The following KLHL1 variants were observed in gnomAD, a reference collection of about 807,000 sequenced individuals.
The protein encoded by KLHL1 is kelch like family member 1.
A neutral mutation model predicts 77.7 loss-of-function variants in KLHL1; 47 were observed. The observed-to-expected ratio is 0.60, with a 90% CI of 0.48 to 0.77. The LOEUF (loss-of-function observed/expected upper bound fraction) is 0.77, where lower values mean the gene tolerates loss of function less well. Among genes scored for constraint, KLHL1 ranks in the 30% least tolerant of loss-of-function variants. The probability of loss-of-function intolerance (pLI) is 0.00; values close to 1 mark genes in which losing one functional copy is unlikely to be tolerated. For missense variants in KLHL1, 925 were observed against 910.8 expected (o/e 1.02, Z -0.20); for synonymous variants, 360 against 325.2 (o/e 1.11, Z -1.15).
chr13:69,954,907 T>C (rs1477405789), intron 3 of KLHL1, among the ~76,000 whole-genome samples: 4 of 150,616 alleles, frequency 2.7e-5, no homozygotes, highest in Non-Finnish European at 5.9e-5. Context: ...AAAAATTATA[T>C]TATTGATTTT....
At chr13:69,765,415 T>G (rs1189505813) in intron 7 of KLHL1, among the ~76,000 whole-genome samples, 1 of 152,174 alleles carries the variant, frequency 6.6e-6, no homozygotes, top group Non-Finnish European at 1.5e-5. Flanking sequence ...TCCTTTGCTT[T>G]GCTATCACAT....
intron 1 of KLHL1, among the ~76,000 whole-genome samples, chr13:70,041,923 G>A (rs1222306052): frequency 6.6e-6 from 1 of 152,126 alleles, no homozygotes; most frequent in Non-Finnish European, 1.5e-5. Context: ...GGAAGTAAGA[G>A]TGGGCTGCAG....
chr13:69,833,585 A>C (rs1878853268), intron 6 of KLHL1, among the ~76,000 whole-genome samples: 1 of 152,016 alleles, frequency 6.6e-6, no homozygotes, highest in Non-Finnish European at 1.5e-5. Flanking sequence ...CCACCACTGT[A>C]TCCAGCAATC....
intron 1 of KLHL1, among the ~76,000 whole-genome samples, chr13:70,016,219 G>T (rs1885653924): frequency 6.6e-6 from 1 of 152,230 alleles, no homozygotes; most frequent in South Asian, 2.1e-4. Flanking sequence ...ACTGATGTTT[G>T]CAGCAGCCAC....
chr13:69,728,649 C>CAAAAAAAAAAAAAA (rs536317353), intron 8 of KLHL1, among the ~76,000 whole-genome samples: 4 of 132,856 alleles, frequency 3.0e-5, no homozygotes, highest in African/African-American at 8.5e-5. Context: ...CTAAAAATGC[C>CAAAAAAAAAAAAAA]AAAAAAAAAA....
chr13:70,028,979 T>A (rs1272300410), intron 1 of KLHL1, among the ~76,000 whole-genome samples: 10 of 146,948 alleles, frequency 6.8e-5, no homozygotes, highest in Admixed American at 6.8e-4. Context: ...GAAAACTTGT[T>A]AAAAAAAAAA....
intron 1 of KLHL1, among the ~76,000 whole-genome samples, chr13:70,077,136 C>T (rs912060958): frequency 6.6e-6 from 1 of 151,838 alleles, no homozygotes; most frequent in African/African-American, 2.4e-5. Flanking sequence ...TTTACTCAAA[C>T]GAGTTGAAAA....
At chr13:69,999,165 T>C (rs941087254) in intron 1 of KLHL1, among the ~76,000 whole-genome samples, 1 of 152,128 alleles carries the variant, frequency 6.6e-6, no homozygotes, top group African/African-American at 2.4e-5. Flanking sequence ...ATGTATTATG[T>C]ACATGTATTA....
At chr13:70,031,801 G>A (rs1886108911) in intron 1 of KLHL1, among the ~76,000 whole-genome samples, 1 of 152,096 alleles carries the variant, frequency 6.6e-6, no homozygotes, top group African/African-American at 2.4e-5. Context: ...ATTAAACAAG[G>A]AAATGCAAAA....
intron 8 of KLHL1, among the ~76,000 whole-genome samples, chr13:69,722,146 T>C (rs1462376938): frequency 6.6e-6 from 1 of 152,066 alleles, no homozygotes; most frequent in Non-Finnish European, 1.5e-5. Flanking sequence ...ATAAACATGA[T>C]ATGAACTTCT....
intron 9 of KLHL1, 58 bp from the exon 10 acceptor site, chr13:69,707,854 A>G (rs1875697004): frequency 4.2e-6 from 6 of 1,412,114 alleles, no homozygotes; most frequent in Non-Finnish European, 5.7e-6. Flanking sequence ...CTTTTACTAT[A>G]AAAATTTTAC....
At chr13:69,712,164 T>G (rs1388219937) in intron 9 of KLHL1, among the ~76,000 whole-genome samples, 2 of 152,150 alleles carry the variant, frequency 1.3e-5, no homozygotes, top group Admixed American at 1.3e-4. Context: ...AACAACTTTT[T>G]ACCCTCTAAA....
intron 8 of KLHL1, among the ~76,000 whole-genome samples, chr13:69,739,361 C>T (rs538334985): frequency 2.6e-5 from 4 of 152,098 alleles, no homozygotes; most frequent in African/African-American, 7.2e-5. Context: ...GCAAAATAAC[C>T]AGACAGCATT....
At chr13:70,028,787 C>T (rs1011855721) in intron 1 of KLHL1, among the ~76,000 whole-genome samples, 4 of 151,918 alleles carry the variant, frequency 2.6e-5, no homozygotes, top group East Asian at 1.9e-4. Flanking sequence ...GACCAACCTT[C>T]GCAATGTGGC....
chr13:70,046,923 C>G (rs919623933), intron 1 of KLHL1, among the ~76,000 whole-genome samples: 2 of 152,122 alleles, frequency 1.3e-5, no homozygotes, highest in Admixed American at 1.3e-4. Flanking sequence ...GTATTTGATC[C>G]TCCTTTCACA....
intron 1 of KLHL1, among the ~76,000 whole-genome samples, chr13:70,027,652 G>GTTTTTTTTTTTTTTTTT (rs10667717): frequency 1.5e-5 from 2 of 135,840 alleles, no homozygotes; most frequent in African/African-American, 2.7e-5. Context: ...AATGTAAGTT[G>GTTTTTTTTTTTTTTTTT]TTTTTTTTTT....
At chr13:69,925,721 G>A (rs1159734376) in intron 4 of KLHL1, among the ~76,000 whole-genome samples, 1 of 152,012 alleles carries the variant, frequency 6.6e-6, no homozygotes, top group South Asian at 2.1e-4. Context: ...ACATTAACTG[G>A]TTTCGTCTTT....
chr13:69,988,428 C>T (rs919501505), intron 1 of KLHL1, among the ~76,000 whole-genome samples: 1 of 151,962 alleles, frequency 6.6e-6, no homozygotes. Context: ...TAAACATATG[C>T]ATACATGTGT....
At chr13:70,037,212 A>G (rs1169930498) in intron 1 of KLHL1, among the ~76,000 whole-genome samples, 1 of 152,022 alleles carries the variant, frequency 6.6e-6, no homozygotes, top group Non-Finnish European at 1.5e-5. Context: ...CATTCTTGAT[A>G]AAGTTTTGGT....
Sources: allele counts gnomAD v4.1 joint callset (sites outside exome capture counted in the v4.1 genomes callset), GRCh38; gene constraint gnomAD v4.1.1; transcripts MANE v1.5; gene names NCBI Gene and HGNC (gene_info 2026-07-23, HGNC 2026-07-21).